PRDM5: variants seen among roughly 807,000 people sequenced by gnomAD.
PRDM5 encodes PR/SET domain 5.
A neutral mutation model predicts 81.2 loss-of-function variants in PRDM5; 56 were observed. The ratio of observed to expected loss-of-function variants is 0.69; its 90% CI spans 0.56 to 0.86. The LOEUF is 0.86. Among genes scored for constraint, PRDM5 ranks in the 40% least tolerant of loss-of-function variants. PRDM5 has a pLI of 0.00. For missense variants in PRDM5, 697 were observed against 770.1 expected (o/e 0.91, Z 1.12); for synonymous variants, 267 against 256.4 (o/e 1.04, Z -0.39).
chr4:120,790,266 T>G (rs1335111986), intron 10 of PRDM5, among the ~76,000 whole-genome samples: 1 of 152,176 alleles, frequency 6.6e-6, no homozygotes, highest in South Asian at 2.1e-4. Flanking sequence ...GCTGAACAAG[T>G]GTATTCTCTC....
chr4:120,848,031 T>G (rs1758853583), intron 3 of PRDM5, among the ~76,000 whole-genome samples: 1 of 152,186 alleles, frequency 6.6e-6, no homozygotes, highest in Non-Finnish European at 1.5e-5. Context: ...TCAAGAGATC[T>G]AAATGTTACC....
intron 3 of PRDM5, among the ~76,000 whole-genome samples, chr4:120,845,938 A>T (rs1191203398): frequency 6.6e-6 from 1 of 152,218 alleles, no homozygotes; most frequent in Non-Finnish European, 1.5e-5. Context: ...TCAAAACTTC[A>T]GGAGAAGTAA....
chr4:120,746,494 G>A (rs879826085), intron 14 of PRDM5, among the ~76,000 whole-genome samples: 5,699 of 137,904 alleles, frequency 0.041, 149 homozygotes, highest in African/African-American at 0.1. Flanking sequence ...GAGTGAACAG[G>A]CAACCTACAA....
At chr4:120,797,726 G>C (rs981165044) in intron 10 of PRDM5, among the ~76,000 whole-genome samples, 1 of 152,100 alleles carries the variant, frequency 6.6e-6, no homozygotes, top group Non-Finnish European at 1.5e-5. Context: ...CTGAAACTTG[G>C]GATTAAAGAA....
intron 15 of PRDM5, among the ~76,000 whole-genome samples, chr4:120,709,474 C>T (rs1194930196): frequency 6.6e-6 from 1 of 152,128 alleles, no homozygotes; most frequent in Admixed American, 6.6e-5. Context: ...CATGGAAGGA[C>T]AAGGAAAACA....
At chr4:120,850,980 T>G (rs72680432) in intron 3 of PRDM5, among the ~76,000 whole-genome samples, 9,304 of 152,170 alleles carry the variant, frequency 0.061, 451 homozygotes, top group Middle Eastern at 0.17. Flanking sequence ...TATAAATACT[T>G]ATTGACACTG....
At chr4:120,899,364 A>T (rs1350953107) in intron 2 of PRDM5, among the ~76,000 whole-genome samples, 1 of 152,192 alleles carries the variant, frequency 6.6e-6, no homozygotes, top group Non-Finnish European at 1.5e-5. Flanking sequence ...GAATTAGGCC[A>T]TAATTCGTCA....
At chr4:120,894,798 G>A (rs183063892) in intron 2 of PRDM5, among the ~76,000 whole-genome samples, 39 of 152,226 alleles carry the variant, frequency 2.6e-4, no homozygotes, top group Non-Finnish European at 4.7e-4. Context: ...GGATGATTTT[G>A]CAATTAGTAG....
downstream of PRDM5, among the ~76,000 whole-genome samples, chr4:120,691,185 G>A (rs569780915): frequency 6.6e-6 from 1 of 152,086 alleles, no homozygotes; most frequent in Non-Finnish European, 1.5e-5. Flanking sequence ...TATATAAGTA[G>A]TTGTTACATT....
intron 2 of PRDM5, among the ~76,000 whole-genome samples, chr4:120,902,866 A>C (rs1156751476): frequency 6.6e-6 from 1 of 152,194 alleles, no homozygotes; most frequent in Non-Finnish European, 1.5e-5. Context: ...AGGTGGCAGT[A>C]GATATTATTA....
At chr4:120,909,883 G>T (rs1435809770) in intron 1 of PRDM5, among the ~76,000 whole-genome samples, 2 of 151,926 alleles carry the variant, frequency 1.3e-5, no homozygotes, top group Non-Finnish European at 2.9e-5. Flanking sequence ...AATAAATAGT[G>T]GTTTTTAGCT....
intron 2 of PRDM5, among the ~76,000 whole-genome samples, chr4:120,892,495 G>C (rs1015406114): frequency 6.6e-6 from 1 of 152,162 alleles, no homozygotes; most frequent in Non-Finnish European, 1.5e-5. Flanking sequence ...GGATGTTCCT[G>C]GTGTTGAGTG....
At chr4:120,717,403 C>T (rs986562214) in intron 14 of PRDM5, among the ~76,000 whole-genome samples, 2 of 152,182 alleles carry the variant, frequency 1.3e-5, no homozygotes, top group African/African-American at 4.8e-5. Flanking sequence ...GCTCTATGTG[C>T]TGCACCTTGT....
At chr4:120,720,487 C>T (rs925552458) in intron 14 of PRDM5, among the ~76,000 whole-genome samples, 13 of 152,082 alleles carry the variant, frequency 8.5e-5, no homozygotes, top group African/African-American at 3.1e-4. Flanking sequence ...CAAGTGTGGC[C>T]CCATGGGTTT....
intron 14 of PRDM5, among the ~76,000 whole-genome samples, chr4:120,742,323 T>C (rs1742157220): frequency 6.6e-6 from 1 of 151,916 alleles, no homozygotes; most frequent in African/African-American, 2.4e-5. Flanking sequence ...ACCACAAAGA[T>C]GGGGAAAAAA....
intron 14 of PRDM5, among the ~76,000 whole-genome samples, chr4:120,730,597 T>C (rs969652180): frequency 6.6e-5 from 10 of 152,242 alleles, no homozygotes; most frequent in African/African-American, 2.4e-4. Flanking sequence ...AATACTGTAT[T>C]ACTTTTCTAA....
chr4:120,879,791 A>G (rs973490477), intron 2 of PRDM5, among the ~76,000 whole-genome samples: 13 of 152,068 alleles, frequency 8.5e-5, no homozygotes, highest in Admixed American at 3.3e-4. Flanking sequence ...TCAAGGATCA[A>G]TTGATTATGA....
At chr4:120,740,919 C>T (rs558232419) in intron 14 of PRDM5, among the ~76,000 whole-genome samples, 95 of 152,300 alleles carry the variant, frequency 6.2e-4, no homozygotes, top group African/African-American at 2.3e-3. Context: ...AACATGTATC[C>T]TCAAACTCAG....
chr4:120,894,544 T>C (rs574532251), intron 2 of PRDM5, among the ~76,000 whole-genome samples: 3 of 152,352 alleles, frequency 2.0e-5, no homozygotes, highest in East Asian at 1.9e-4. Flanking sequence ...CCTTTAAAGT[T>C]TGACAACACT....
Sources: gnomAD v4.1 joint callset for allele counts (sites outside exome capture counted in the v4.1 genomes callset) on GRCh38, gnomAD v4.1.1 for gene constraint, MANE v1.5 for transcripts, NCBI Gene and HGNC (gene_info 2026-07-23, HGNC 2026-07-21) for gene names.